Variants in CHST9 observed in about 807,000 individuals in gnomAD.
CHST9 encodes the protein carbohydrate sulfotransferase 9.
Under a neutral mutation model 44.4 loss-of-function variants are expected in CHST9, and 41 were observed. The ratio of observed to expected loss-of-function variants is 0.92; its 90% CI spans 0.72 to 1.20. The LOEUF (loss-of-function observed/expected upper bound fraction) is 1.20, where lower values mean the gene tolerates loss of function less well. Ranked by LOEUF, CHST9 falls within the 50% of genes most tolerant of loss-of-function variation. The pLI, the probability that CHST9 is intolerant of heterozygous loss-of-function variation, is 0.00. For synonymous variants in CHST9, 171 were observed against 178.4 expected, an observed-to-expected ratio of 0.96 and a Z score of 0.33; for missense variants, 504 against 516.5, an observed-to-expected ratio of 0.98 and a Z score of 0.23.
At position 26,938,210 on chromosome 18, in the gene CHST9, T is replaced by A. The variant is rs560179028; in HGVS notation, c.240+6119A>T. 2.6e-5 allele frequency among the ~76,000 whole-genome samples: 4 copies of A among 152,312 alleles called. No individual in the cohort carries two copies. The South Asian group carries it at 8.3e-4, about 32-fold the overall frequency. On this transcript the variant is annotated intron_variant, in intron 5 of 5. Transcript: ENST00000618847. ...ACATTTTAACTTTCTTGGCTTCCAA[T>A]TAAAGAGGCAAAGCCCAGCACTTCG...
At chr18:27,042,031 A>T (rs897376053) in intron 3 of CHST9, among the ~76,000 whole-genome samples, 1 of 152,158 alleles carries the variant, frequency 6.6e-6, no homozygotes, top group Non-Finnish European at 1.5e-5. Flanking sequence ...AAGCTGCTTA[A>T]AAAAGCAAAC....
rs1167626546 is a variant in CHST9, at chr18:26,910,031, A to T, written c.*6228T>A. ...TTTTGGATGAAGGTTATAGAACAGC[A>T]GTCTAGAGGCAGCAGTGGGAGCCAG... On this transcript the variant is annotated 3_prime_UTR_variant, in exon 6 of 6. Coordinates refer to ENST00000618847, the MANE Select transcript of CHST9 (RefSeq NM_031422.6). 6.6e-6 allele frequency: 1 copy of T among 152,164 alleles called. No individual in the cohort carries two copies. Among genetic ancestry groups the T allele is most frequent in the Non-Finnish European group, 1.5e-5 (1 of 68,042 alleles). The allele number at this position is 152,164 out of a possible 1,614,324, so 9.4% of individuals were successfully genotyped here.
rs541239090 is a variant in CHST9 at position 26,977,917 on chromosome 18, T to TA, written c.203-33552dup. ...TGATGCGTGCACCACCTTAATAACT[T>TA]AAAAAAAAAAATTCACAGGCTCAGC... is the stretch of plus-strand genomic sequence containing the variant. On this transcript the variant is annotated intron_variant, in intron 4 of 5. Coordinates refer to ENST00000618847, the MANE Select transcript of CHST9 (RefSeq NM_031422.6). Among the ~76,000 whole-genome samples the TA allele has an allele frequency of 1.9e-3, 277 of 148,036 alleles. 1 individual carries two copies. In the Middle Eastern group the frequency reaches 0.034, roughly 18 times the overall value.
At chr18:26,985,096 G>A (rs550584765) in intron 4 of CHST9, among the ~76,000 whole-genome samples, 3 of 152,170 alleles carry the variant, frequency 2.0e-5, no homozygotes, top group Non-Finnish European at 4.4e-5. Context: ...ACAACCCAAA[G>A]GTCTAGCTAG....
intron 2 of CHST9, among the ~76,000 whole-genome samples, chr18:27,073,618 G>A (rs1397147923): frequency 2.0e-5 from 3 of 151,920 alleles, no homozygotes; most frequent in Non-Finnish European, 4.4e-5. Flanking sequence ...AGGGGTCATC[G>A]AGGGGCTGAT....
At chr18:27,154,967 A>T (rs542292964) in intron 1 of CHST9, among the ~76,000 whole-genome samples, 1 of 151,980 alleles carries the variant, frequency 6.6e-6, no homozygotes, top group African/African-American at 2.4e-5. Flanking sequence ...CTGTAATTCC[A>T]GCTACTCGGG....
intron 5 of CHST9, chr18:26,924,598 C>T (rs1376007569): frequency 4.2e-6 from 4 of 958,670 alleles, no homozygotes; most frequent in Non-Finnish European, 5.0e-6. Flanking sequence ...AGTTATATTT[C>T]TTCACACCAT....
At chr18:26,969,376 C>CTCTGTGTGTG (rs1555672857) in intron 4 of CHST9, among the ~76,000 whole-genome samples, 3 of 95,590 alleles carry the variant, frequency 3.1e-5, no homozygotes, top group African/African-American at 8.8e-5. Context: ...CTCTCTCTCT[C>CTCTGTGTGTG]TGTGTGTGTG....
rs2055431908 is a variant in CHST9, at chr18:26,910,914, GCT to G, written c.*5343_*5344del. On this transcript the variant is annotated 3_prime_UTR_variant, in exon 6 of 6. Coordinates refer to ENST00000618847, the MANE Select transcript of CHST9 (RefSeq NM_031422.6). ...CTACTGAGTAGATCCTCAGTAAATG[GCT>G]CTTATGTTGACCAGAATCATGCATT... The G allele has an allele frequency of 6.6e-6, 1 of 152,086 alleles. No individual in the cohort carries two copies. The allele number at this position is 152,086 out of a possible 1,614,324, so 9.4% of individuals were successfully genotyped here.
intron 1 of CHST9, among the ~76,000 whole-genome samples, chr18:27,167,538 G>T (rs990551036): frequency 6.6e-6 from 1 of 152,212 alleles, no homozygotes; most frequent in Non-Finnish European, 1.5e-5. Flanking sequence ...GATGATAACA[G>T]CAATACTTTA....
intron 2 of CHST9, among the ~76,000 whole-genome samples, chr18:27,077,214 T>C (rs2057913433): frequency 6.6e-6 from 1 of 152,170 alleles, no homozygotes; most frequent in Non-Finnish European, 1.5e-5. Flanking sequence ...GTCAATCACG[T>C]TGATAGAAGA....
At chr18:27,014,453 C>CAAAAAAAAAAAAAAAAAAAAAAAAAAAA (rs57437876) in intron 4 of CHST9, among the ~76,000 whole-genome samples, 1 of 39,438 alleles carries the variant, frequency 2.5e-5, no homozygotes. Flanking sequence ...GACTCTGTCT[C>CAAAAAAAAAAAAAAAAAAAAAAAAAAAA]AAAAAAAAAA....
chr18:27,179,241 C>T (rs2058893067), intron 1 of CHST9, among the ~76,000 whole-genome samples: 1 of 151,802 alleles, frequency 6.6e-6, no homozygotes, highest in Admixed American at 6.6e-5. Context: ...AAGATAGATT[C>T]CTAAGAGAAA....
At chr18:27,037,063 C>T (rs55889158) in intron 3 of CHST9, among the ~76,000 whole-genome samples, 7,152 of 152,198 alleles carry the variant, frequency 0.047, 224 homozygotes, top group Non-Finnish European at 0.072. Context: ...TTAGAGAGGT[C>T]CTTCATCAAT....
At chr18:27,183,849 T>C (rs1199748648) in intron 1 of CHST9, among the ~76,000 whole-genome samples, 1 of 152,064 alleles carries the variant, frequency 6.6e-6, no homozygotes, top group Non-Finnish European at 1.5e-5. Context: ...CTCACGTTGG[T>C]TGGCAGGCAT....
chr18:27,030,687 T>C (rs566822466), intron 3 of CHST9, among the ~76,000 whole-genome samples: 3 of 152,090 alleles, frequency 2.0e-5, no homozygotes, highest in African/African-American at 7.2e-5. Context: ...TTGTGTAAAA[T>C]AGAGTGAAAA....
At chr18:27,089,636 C>CT (rs1200617927) in intron 2 of CHST9, among the ~76,000 whole-genome samples, 1 of 151,742 alleles carries the variant, frequency 6.6e-6, no homozygotes. Context: ...ATTTATAATC[C>CT]TTTGGGTATA....
At chr18:26,975,709 ATGTGTG>A (rs1266109899) in intron 4 of CHST9, among the ~76,000 whole-genome samples, 8 of 56,964 alleles carry the variant, frequency 1.4e-4, no homozygotes, top group African/African-American at 5.6e-4. Context: ...ATGTGTATAT[ATGTGTG>A]TGTGTGTGTG....
At chr18:27,015,998 G>T (rs766455351) in intron 4 of CHST9, among the ~76,000 whole-genome samples, 1 of 152,148 alleles carries the variant, frequency 6.6e-6, no homozygotes, top group African/African-American at 2.4e-5. Flanking sequence ...CCCACTTGGT[G>T]AGCATCCCCC....
Sources: gnomAD v4.1 joint callset for allele counts (sites outside exome capture counted in the v4.1 genomes callset) on GRCh38, gnomAD v4.1.1 for gene constraint, MANE v1.5 for transcripts, NCBI Gene and HGNC (gene_info 2026-07-23, HGNC 2026-07-21) for gene names.